ZC3H18: variants seen among roughly 807,000 people sequenced by gnomAD.
The protein encoded by ZC3H18 is zinc finger CCCH domain-containing protein 18.
ZC3H18 carries 8 observed loss-of-function variants against 106.1 expected under a neutral mutation model. The ratio of observed to expected loss-of-function variants is 0.08; its 90% confidence interval spans 0.04 to 0.14. The LOEUF is 0.14. Among genes scored for constraint, ZC3H18 ranks in the 10% least tolerant of loss-of-function variants. The probability of loss-of-function intolerance (pLI) is 1.00; values close to 1 mark genes in which losing one functional copy is unlikely to be tolerated. For synonymous variants in ZC3H18, 635 were observed against 522.1 expected (o/e 1.22, Z -2.95); for missense variants, 1,318 against 1,278.4 (o/e 1.03, Z -0.47).
chr16:88,571,903 G>T (rs1285630206), intron 1 of ZC3H18, among the ~76,000 whole-genome samples: 1 of 152,188 alleles, frequency 6.6e-6, no homozygotes, highest in Non-Finnish European at 1.5e-5. Context: ...ATTCAAATAG[G>T]TACTGCTCTG....
At position 88,623,981 on chromosome 16, in the gene ZC3H18, C is replaced by G; in HGVS notation, c.1817C>G (p.Pro606Arg). 6.2e-7 allele frequency: 1 copy of G among 1,613,116 alleles called. No homozygotes were observed. The highest frequency in any genetic ancestry group is 8.5e-7 in the Non-Finnish European group (1 of 1,179,310). The change falls in exon 11 of 18, where the codon CCG becomes CGG. Residue 606 changes from proline to arginine, a missense_variant. Around this residue, in one of 6 missense-constraint regions of ZC3H18, gnomAD observed 848 missense variants for 821.7 expected, o/e 1.03. Transcript: ENST00000301011. The stretch of plus-strand genomic sequence containing the variant: ...AGGTCCCGGTCCTTCTCTTCGTCCC[C>G]GTCCCCGTCCCCAACACCTTCCCCA... ...RSRSRSFSSS[P>R]SPSPTPSPHR...
chr16:88,571,566 G>C, intron 1 of ZC3H18: 1 of 967,518 alleles, frequency 1.0e-6, no homozygotes, highest in Non-Finnish European at 1.2e-6. Flanking sequence ...GCCAGCCCTG[G>C]AACCAGTCAA....
intron 8 of ZC3H18, among the ~76,000 whole-genome samples, chr16:88,614,656 T>C (rs980467460): frequency 6.6e-6 from 1 of 152,258 alleles, no homozygotes; most frequent in African/African-American, 2.4e-5. Flanking sequence ...TTCAGATGTT[T>C]TTAATCCTTT....
chr16:88,577,855 G>A (rs2142536302), intron 2 of ZC3H18, 129 bp downstream of exon 2: 1 of 1,520,496 alleles, frequency 6.6e-7, no homozygotes, highest in Non-Finnish European at 8.8e-7. Context: ...GCAGGAGAAT[G>A]AGAGGCTTGT....
At chr16:88,601,319 G>GT (rs1555535409) in intron 6 of ZC3H18, among the ~76,000 whole-genome samples, 2 of 152,220 alleles carry the variant, frequency 1.3e-5, no homozygotes, top group Non-Finnish European at 2.9e-5. Context: ...AGGCCTTTGT[G>GT]TTTTTTTGTT....
At chr16:88,607,224 T>A (rs552924550) in intron 6 of ZC3H18, among the ~76,000 whole-genome samples, 10 of 152,260 alleles carry the variant, frequency 6.6e-5, no homozygotes, top group African/African-American at 1.7e-4. Flanking sequence ...ACCTCCTGCC[T>A]CCTCCTTCTG....
rs1906163043 is a variant in ZC3H18 at position 88,624,400 on chromosome 16, G to C, written c.1899-202G>C. The C allele has an allele frequency of 7.3e-6, 6 of 826,934 alleles. 1 individual carries two copies. In the South Asian group the frequency reaches 1.0e-4, roughly 14 times the overall value. 51.2% of individuals were successfully genotyped at this position (826,934 alleles called of 1,614,324 possible). Reference sequence around the variant, plus strand: ...CTCTTGCCTGTTAGAGGGGAGCCTGGAAGGGCTGCTGGGGGCTTTGAAGCC... The same window carrying C: ...CTCTTGCCTGTTAGAGGGGAGCCTGCAAGGGCTGCTGGGGGCTTTGAAGCC... On this transcript the variant is annotated intron_variant, in intron 11 of 17. Coordinates refer to ENST00000301011, the MANE Select transcript of ZC3H18 (RefSeq NM_144604.4).
At chr16:88,628,233 T>A in intron 15 of ZC3H18, 114 bp downstream of exon 15, 1 of 1,213,494 alleles carries the variant, frequency 8.2e-7, no homozygotes, top group Non-Finnish European at 1.1e-6. Context: ...AGTGGGGCCT[T>A]GCAGGTGTCA....
At chr16:88,570,891 C>T (rs1914358385) in intron 1 of ZC3H18, among the ~76,000 whole-genome samples, 1 of 152,254 alleles carries the variant, frequency 6.6e-6, no homozygotes. Flanking sequence ...TCGCGTGGCA[C>T]ATGTGTGCCG....
At chr16:88,601,992 G>A (rs187892308) in intron 6 of ZC3H18, among the ~76,000 whole-genome samples, 10 of 152,372 alleles carry the variant, frequency 6.6e-5, no homozygotes, top group African/African-American at 2.4e-4. Context: ...CACCAGGTAG[G>A]TTGCTACAGA....
intron 10 of ZC3H18, chr16:88,623,579 C>G (rs551589372): frequency 1.6e-6 from 1 of 618,034 alleles, no homozygotes; most frequent in Admixed American, 3.1e-5. Context: ...CTGAGATCCT[C>G]GAGTTGAGGC....
intron 3 of ZC3H18, chr16:88,587,642 C>A: frequency 2.0e-6 from 3 of 1,521,616 alleles, no homozygotes; most frequent in Non-Finnish European, 2.6e-6. Flanking sequence ...TCACTCTCTT[C>A]AGTACCTTAA....
chr16:88,610,269 C>G (rs1398448915), intron 7 of ZC3H18, among the ~76,000 whole-genome samples: 1 of 152,182 alleles, frequency 6.6e-6, no homozygotes. Context: ...CTGTGTAGTT[C>G]TGTTCTGTGA....
intron 6 of ZC3H18, among the ~76,000 whole-genome samples, chr16:88,602,800 A>G (rs75187919): frequency 0.03 from 4,621 of 152,246 alleles, 118 homozygotes; most frequent in African/African-American, 0.059. Flanking sequence ...GACGTTAGCC[A>G]CCTGATGTTG....
chr16:88,601,065 CAAGGCCTTCTT>C (rs1256209442), intron 6 of ZC3H18, among the ~76,000 whole-genome samples: 1 of 152,250 alleles, frequency 6.6e-6, no homozygotes, highest in Non-Finnish European at 1.5e-5. Flanking sequence ...AGGCCCTTCT[CAAGGCCTTCTT>C]GCCGCGAGCA....
intron 1 of ZC3H18, among the ~76,000 whole-genome samples, chr16:88,570,804 C>A (rs991528887): frequency 6.6e-6 from 1 of 152,112 alleles, no homozygotes; most frequent in Admixed American, 6.5e-5. Flanking sequence ...CCTGGGCGCC[C>A]GAGCTCCTCG....
intron 3 of ZC3H18, among the ~76,000 whole-genome samples, chr16:88,591,238 G>A (rs1193628147): frequency 6.6e-6 from 1 of 151,896 alleles, no homozygotes; most frequent in Non-Finnish European, 1.5e-5. Flanking sequence ...CCAAAGTGCT[G>A]GGATTACAGG....
intron 1 of ZC3H18, among the ~76,000 whole-genome samples, chr16:88,575,554 A>C (rs926425172): frequency 6.6e-6 from 1 of 152,008 alleles, no homozygotes; most frequent in African/African-American, 2.4e-5. Context: ...TTGCCGTTCT[A>C]CACCTTCCTA....
intron 15 of ZC3H18, among the ~76,000 whole-genome samples, chr16:88,628,402 A>G (rs1246908960): frequency 1.3e-5 from 2 of 151,968 alleles, no homozygotes; most frequent in Non-Finnish European, 1.5e-5. Flanking sequence ...TCTCAACACA[A>G]TACAGGAAGC....
Sources: gnomAD v4.1 joint callset for allele counts (sites outside exome capture counted in the v4.1 genomes callset) on GRCh38, gnomAD v4.1.1 for gene constraint, gnomAD v4.1.1 regional missense constraint, MANE v1.5 for transcripts, NCBI Gene and HGNC (gene_info 2026-07-23, HGNC 2026-07-21) for gene names.